The following TBC1D15 variants were observed in gnomAD, a reference collection of about 807,000 sequenced individuals.
TBC1D15 encodes GAP for RAB7.
A neutral mutation model predicts 95.4 loss-of-function variants in TBC1D15; 39 were observed. The observed-to-expected ratio is 0.41, with a 90% CI of 0.32 to 0.53. TBC1D15 has a LOEUF of 0.53. TBC1D15 is among the 20% of genes least tolerant of loss of function. TBC1D15 has a pLI of 0.29. For synonymous variants in TBC1D15, 258 were observed against 261.3 expected (o/e 0.99, Z 0.12); for missense variants, 733 against 794.3 (o/e 0.92, Z 0.93).
intron 1 of TBC1D15, among the ~76,000 whole-genome samples, chr12:71,855,169 TA>T (rs1226439685): frequency 1.3e-5 from 2 of 151,984 alleles, no homozygotes; most frequent in Non-Finnish European, 2.9e-5. Flanking sequence ...TTTTAAACCA[TA>T]AGACCTTGTG....
Position 71,924,251 on chromosome 12 carries a change from ATTTTG to A in TBC1D15, c.*1052_*1056del, listed in dbSNP as rs1039736919. 8 of 152,658 alleles carry A rather than the reference ATTTTG, an allele frequency of 5.2e-5. No homozygotes were observed. Among genetic ancestry groups the A allele is most frequent in the African/African-American group, 1.7e-4 (7 of 41,466 alleles). The allele number at this position is 152,658 out of a possible 1,614,324, so 9.5% of individuals were successfully genotyped here. ...AAGTTATGTGGAATTAACATAACTG[ATTTTG>A]TTTTAATTGTAAGTTGTTAACTCCT... On this transcript the variant is annotated 3_prime_UTR_variant, in exon 17 of 17. Transcript: ENST00000485960.
rs1219710845 is a variant in TBC1D15 at position 71,917,727 on chromosome 12, C to T, written c.1431C>T (p.Gly477=). ...MHQNFEEQMQ[G]MKTQLIQLST... ...AGAATTTTGAAGAACAAATGCAAGG[C>T]ATGAAGACCCAGCTAATTCAGCTGA... The change falls in exon 13 of 17, where the codon GGC becomes GGT. Residue 477 remains glycine (G), a synonymous_variant. Coordinates refer to ENST00000485960, the MANE Select transcript of TBC1D15 (RefSeq NM_001146213.3). The T allele has an allele frequency of 1.9e-6, 3 of 1,612,352 alleles. No individual in the cohort carries two copies. Among genetic ancestry groups the T allele is most frequent in the East Asian group, 2.2e-5 (1 of 44,834 alleles).
chr12:71,916,027 G>A lies in TBC1D15; in HGVS notation c.1402-1671G>A, dbSNP rs192548784. Among the ~76,000 whole-genome samples the A allele has an allele frequency of 4.6e-5, 7 of 152,186 alleles. No homozygotes were observed. The East Asian group carries it at 7.7e-4, about 17-fold the overall frequency. On this transcript the variant is annotated intron_variant, in intron 12 of 16. Transcript: ENST00000485960. ...AATTTACTTTTGTTGATGTTTACTT[G>A]CATCTAATGTAGGTCTAGGCATAGA...
intron 5 of TBC1D15, among the ~76,000 whole-genome samples, chr12:71,890,280 C>T (rs769597823): frequency 2.6e-5 from 4 of 152,018 alleles, no homozygotes; most frequent in African/African-American, 4.8e-5. Flanking sequence ...CTAAGTAAAA[C>T]GATGTTTCCA....
rs749877380 is a variant in TBC1D15 at position 71,894,962 on chromosome 12, G to A, written c.855+79G>A. 468 of 1,337,798 alleles carry A rather than the reference G, an allele frequency of 3.5e-4. 2 individuals carry two copies. The highest frequency in any genetic ancestry group is 4.6e-4 in the Non-Finnish European group (449 of 980,750). The allele number at this position is 1,337,798 out of a possible 1,614,324, so 82.9% of individuals were successfully genotyped here. ...ACTATAGAAATAGAAACTTAATTTTGGTGATATCTGCTTCTTTCCATAATC... is the reference window on the plus strand; with the variant it reads ...ACTATAGAAATAGAAACTTAATTTTAGTGATATCTGCTTCTTTCCATAATC... On this transcript the variant is annotated intron_variant, in intron 7 of 16. Transcript: ENST00000485960.
chr12:71,861,402 C>T, intron 1 of TBC1D15: 6 of 1,458,592 alleles, frequency 4.1e-6, no homozygotes, highest in Non-Finnish European at 5.4e-6. Flanking sequence ...TTGTTTTTTT[C>T]AGGTTTTTGG....
At chr12:71,868,359 C>T (rs1024679339) in intron 1 of TBC1D15, among the ~76,000 whole-genome samples, 2 of 151,914 alleles carry the variant, frequency 1.3e-5, no homozygotes, top group Non-Finnish European at 2.9e-5. Flanking sequence ...CATTCTCCTG[C>T]CTCAGCCTCC....
At chr12:71,891,695 A>G (rs1897230964) in intron 5 of TBC1D15, among the ~76,000 whole-genome samples, 2 of 152,034 alleles carry the variant, frequency 1.3e-5, no homozygotes. Context: ...CCTCCATCAC[A>G]CAACAATAGT....
chr12:71,896,007 A>C lies in TBC1D15; in HGVS notation c.916A>C (p.Thr306Pro). Reference protein sequence around the residue: ...RREPVSLEEWTKNIDSEGRIL... With the variant: ...RREPVSLEEWPKNIDSEGRIL... ...AGAACCGGTATCACTGGAAGAATGG[A>C]CTAAGAACATTGATTCTGAAGGAAG... is the stretch of plus-strand genomic sequence containing the variant. Residue 306 changes from threonine (T) to proline (P), a missense_variant, in exon 8 of 17, where the codon ACT (threonine) becomes CCT (proline). Thr to Pro is a conservative substitution (Grantham distance 38). Coordinates refer to ENST00000485960, the MANE Select transcript of TBC1D15 (RefSeq NM_001146213.3). The C allele has an allele frequency of 6.2e-7, 1 of 1,612,714 alleles. No individual in the cohort carries two copies. The highest frequency in any genetic ancestry group is 8.5e-7 in the Non-Finnish European group (1 of 1,178,986).
chr12:71,913,716 A>G, intron 11 of TBC1D15, 110 bp from the exon 12 acceptor site: 1 of 688,812 alleles, frequency 1.5e-6, no homozygotes, highest in East Asian at 3.2e-5. Context: ...CAATTTCTAA[A>G]TGCAAAGGAG....
At chr12:71,912,995 A>C (rs1283315742) in intron 11 of TBC1D15, among the ~76,000 whole-genome samples, 2 of 152,132 alleles carry the variant, frequency 1.3e-5, no homozygotes, top group African/African-American at 4.8e-5. Flanking sequence ...TGACATGTTC[A>C]GGTGAAAAAG....
At chr12:71,860,470 T>C (rs972884996) in intron 1 of TBC1D15, among the ~76,000 whole-genome samples, 1 of 152,200 alleles carries the variant, frequency 6.6e-6, no homozygotes, top group Non-Finnish European at 1.5e-5. Context: ...CTTGGTTAAA[T>C]TTATTCCTAC....
At chr12:71,849,163 TAAAAAAAAAAA>T (rs3832834) in intron 1 of TBC1D15, 18 of 177,584 alleles carry the variant, frequency 1.0e-4, no homozygotes, top group Middle Eastern at 1.8e-3. Flanking sequence ...ACTGTGATTA[TAAAAAAAAAAA>T]AAAACAAAAA....
chr12:71,857,912 T>G (rs572732178), intron 1 of TBC1D15, among the ~76,000 whole-genome samples: 1 of 152,348 alleles, frequency 6.6e-6, no homozygotes, highest in African/African-American at 2.4e-5. Context: ...CCAACTGTTT[T>G]AGCTTCCACG....
chr12:71,854,268 T>TTTA (rs1329629361), intron 1 of TBC1D15, among the ~76,000 whole-genome samples: 3 of 152,124 alleles, frequency 2.0e-5, no homozygotes, highest in African/African-American at 4.8e-5. Context: ...TTTAGTTTAG[T>TTTA]TTATTATTAT....
At position 71,847,865 on chromosome 12, in the gene TBC1D15, A is replaced by G. The variant is rs192008934; in HGVS notation, c.30+8054A>G. Among the ~76,000 whole-genome samples, 129 of 152,232 alleles carry G rather than the reference A, an allele frequency of 8.5e-4. 1 individual carries two copies. The East Asian group carries it at 0.02, about 24-fold the overall frequency. Reference sequence around the variant, plus strand: ...GTAATCCCAGCACTTTGGGAGGCCGAGGTGGGTGGATCACCTGAGGCCAGG... The same window carrying G: ...GTAATCCCAGCACTTTGGGAGGCCGGGGTGGGTGGATCACCTGAGGCCAGG... On this transcript the variant is annotated intron_variant, in intron 1 of 16. Transcript: ENST00000485960.
chr12:71,861,462 C>G, intron 1 of TBC1D15: 1 of 1,532,576 alleles, frequency 6.5e-7, no homozygotes, highest in Non-Finnish European at 8.8e-7. Context: ...GGACTTTATC[C>G]ATACTCCAGT....
At chr12:71,896,419 C>G (rs1279396724) in intron 8 of TBC1D15, 3 of 457,262 alleles carry the variant, frequency 6.6e-6, no homozygotes, top group East Asian at 7.1e-5. Context: ...CTTAGACTCA[C>G]CAGTCACACT....
chr12:71,921,510 A>G (rs1388330950), intron 16 of TBC1D15, 56 bp downstream of exon 16: 23 of 1,094,354 alleles, frequency 2.1e-5, no homozygotes, highest in Non-Finnish European at 2.9e-5. Flanking sequence ...GGTTGAGATC[A>G]AGAAAGATTT....
Sources: allele counts gnomAD v4.1 joint callset (sites outside exome capture counted in the v4.1 genomes callset), GRCh38; gene constraint gnomAD v4.1.1; transcripts MANE v1.5; gene names NCBI Gene and HGNC (gene_info 2026-07-23, HGNC 2026-07-21).